The following PXDNL variants were observed in gnomAD, a reference collection of about 807,000 sequenced individuals.
The protein encoded by PXDNL is probable oxidoreductase PXDNL.
PXDNL carries 145 observed loss-of-function variants against 150.8 expected under a neutral mutation model. The ratio of observed to expected loss-of-function variants is 0.96; its 90% CI spans 0.84 to 1.10. The LOEUF (loss-of-function observed/expected upper bound fraction) is 1.10, where lower values mean the gene tolerates loss of function less well. Among genes scored for constraint, PXDNL ranks in the 50% least tolerant of loss-of-function variants. The pLI is 0.00. For missense variants in PXDNL, 2,087 were observed against 1,873.9 expected, an observed-to-expected ratio of 1.11 and a Z score of -2.10; for synonymous variants, 757 against 725.7, an observed-to-expected ratio of 1.04 and a Z score of -0.69.
At chr8:51,480,301 G>T (rs1191530961) in intron 6 of PXDNL, among the ~76,000 whole-genome samples, 1 of 152,190 alleles carries the variant, frequency 6.6e-6, no homozygotes, top group Admixed American at 6.5e-5. Flanking sequence ...TGGTTCTGTA[G>T]ACTGTACAGG....
Position 51,339,853 on chromosome 8 carries a change from G to A in PXDNL, c.4017-100C>T, listed in dbSNP as rs1320354173. ...TCTTTGGTCATTTGGCATGTACAAG[G>A]CATTGTGATTGGTGTTCTTTGTGAT... On this transcript the variant is annotated intron_variant, in intron 20 of 22. Coordinates refer to ENST00000356297, the MANE Select transcript of PXDNL (RefSeq NM_144651.5). 3 of 1,143,162 alleles carry A rather than the reference G, an allele frequency of 2.6e-6. No homozygotes were observed. In the African/African-American group the frequency reaches 4.7e-5, roughly 18 times the overall value. The allele number at this position is 1,143,162 out of a possible 1,614,324, so 70.8% of individuals were successfully genotyped here.
chr8:51,402,219 T>A (rs1299745602), intron 17 of PXDNL, among the ~76,000 whole-genome samples: 1 of 152,194 alleles, frequency 6.6e-6, no homozygotes, highest in Non-Finnish European at 1.5e-5. Context: ...TGGTGAAATA[T>A]GAGCTATTCT....
chr8:51,521,363 A>G (rs1013336352), intron 4 of PXDNL, among the ~76,000 whole-genome samples: 1 of 152,176 alleles, frequency 6.6e-6, no homozygotes, highest in Non-Finnish European at 1.5e-5. Flanking sequence ...CAAAAACAAT[A>G]GCAACAAAAA....
intron 4 of PXDNL, among the ~76,000 whole-genome samples, chr8:51,518,221 G>A (rs949839826): frequency 1.3e-5 from 2 of 152,154 alleles, no homozygotes; most frequent in African/African-American, 4.8e-5. Flanking sequence ...CCCACAGACG[G>A]ATTCCAATGC....
rs1184758865 is a variant in PXDNL, at chr8:51,511,482, C to T, written c.381-11712G>A. Among the ~76,000 whole-genome samples the T allele has an allele frequency of 2.6e-5, 4 of 152,204 alleles. No individual in the cohort carries two copies. In the East Asian group the frequency reaches 7.7e-4, roughly 29 times the overall value. ...CTTTGTGAAACACTGGAATGGACAA[C>T]TTGGTTGGTGCTGAGGTCAGCACGG... On this transcript the variant is annotated intron_variant, in intron 4 of 22. Transcript: ENST00000356297.
chr8:51,419,160 C>G (rs1808881053), intron 14 of PXDNL, among the ~76,000 whole-genome samples: 1 of 152,194 alleles, frequency 6.6e-6, no homozygotes, highest in South Asian at 2.1e-4. Flanking sequence ...AGGTGCCACA[C>G]AGACAATTAG....
In PXDNL at chr8:51,656,861, T is replaced by G. The variant is rs192636188; in HGVS notation, c.165-2101A>C. Among the ~76,000 whole-genome samples the G allele has an allele frequency of 1.6e-3, 238 of 152,340 alleles. 1 individual carries two copies. Among genetic ancestry groups the G allele is most frequent in the Admixed American group, 3.3e-3 (51 of 15,304 alleles). On this transcript the variant is annotated intron_variant, in intron 1 of 22. Transcript: ENST00000356297. ...ACATCTTTTAAGCACCATCTTAATT[T>G]TAGCTTTGCCTCCCACTCCAGATGT...
intron 1 of PXDNL, among the ~76,000 whole-genome samples, chr8:51,738,530 A>G (rs887555964): frequency 2.6e-5 from 4 of 152,044 alleles, no homozygotes; most frequent in Admixed American, 6.6e-5. Flanking sequence ...TTACAATTTT[A>G]TATTGCAACT....
intron 17 of PXDNL, among the ~76,000 whole-genome samples, chr8:51,386,313 G>A (rs1586058972): frequency 2.0e-5 from 3 of 152,082 alleles, no homozygotes; most frequent in East Asian, 2.0e-4. Context: ...GGCTGGTCTC[G>A]AACTCCTGAC....
chr8:51,438,774 C>T (rs1388103314), intron 12 of PXDNL, among the ~76,000 whole-genome samples: 2 of 152,074 alleles, frequency 1.3e-5, no homozygotes, highest in Non-Finnish European at 2.9e-5. Context: ...AAGCCAAATA[C>T]TTATGGCCCA....
intron 12 of PXDNL, among the ~76,000 whole-genome samples, chr8:51,442,359 A>G (rs919759832): frequency 6.6e-6 from 1 of 150,788 alleles, no homozygotes; most frequent in Non-Finnish European, 1.5e-5. Context: ...TCTTTCTTGC[A>G]TATCTTACCT....
At chr8:51,687,144 C>G (rs1446385834) in intron 1 of PXDNL, among the ~76,000 whole-genome samples, 1 of 151,996 alleles carries the variant, frequency 6.6e-6, no homozygotes, top group Non-Finnish European at 1.5e-5. Flanking sequence ...GAAGTAGTAA[C>G]TACAAAACAA....
Position 51,475,005 on chromosome 8 carries a change from C to T in PXDNL, c.661G>A (p.Val221Ile), listed in dbSNP as rs765032216. 1.9e-6 allele frequency: 3 copies of T among 1,607,808 alleles called. No individual in the cohort carries two copies. Among genetic ancestry groups the T allele is most frequent in the Admixed American group, 1.7e-5 (1 of 58,980 alleles). The change falls in exon 7 of 23, where the codon GTT becomes ATT. Residue 221 changes from valine (V) to isoleucine (I), a missense_variant. Val to Ile is a conservative substitution (Grantham distance 29). Transcript: ENST00000356297. ...AATTCCTCTACTGTTACTGAAGCAACTGCACGCCCATGGAGTCTCCTGGGA... is the reference window on the plus strand; with the variant it reads ...AATTCCTCTACTGTTACTGAAGCAATTGCACGCCCATGGAGTCTCCTGGGA... Reference protein sequence around the residue: ...EYPRRLHGRAVASVTVEEFNC... With the variant: ...EYPRRLHGRAIASVTVEEFNC...
At chr8:51,459,634 T>C (rs1403209550) in intron 8 of PXDNL, among the ~76,000 whole-genome samples, 3 of 152,184 alleles carry the variant, frequency 2.0e-5, no homozygotes, top group Non-Finnish European at 4.4e-5. Flanking sequence ...ATAAAACTTG[T>C]TTGCTCATGA....
chr8:51,400,316 T>A (rs1808208876), intron 17 of PXDNL, among the ~76,000 whole-genome samples: 1 of 152,190 alleles, frequency 6.6e-6, no homozygotes, highest in South Asian at 2.1e-4. Context: ...CTGAAACTGG[T>A]CACATGAGTT....
At chr8:51,367,514 C>T (rs1806958053) in intron 19 of PXDNL, among the ~76,000 whole-genome samples, 1 of 152,082 alleles carries the variant, frequency 6.6e-6, no homozygotes, top group Admixed American at 6.6e-5. Flanking sequence ...AATCTGACAA[C>T]ACTTTTTTTC....
chr8:51,527,477 A>G (rs915142122), intron 4 of PXDNL, among the ~76,000 whole-genome samples: 1 of 152,186 alleles, frequency 6.6e-6, no homozygotes, highest in Non-Finnish European at 1.5e-5. Flanking sequence ...GTGGCATTTC[A>G]TGGTTGCCAA....
Position 51,408,408 on chromosome 8 carries a change from A to T in PXDNL, c.3216T>A (p.Gly1072=), listed in dbSNP as rs750561486. 7 of 1,613,872 alleles carry T rather than the reference A, an allele frequency of 4.3e-6. No homozygotes were observed. The highest frequency in any genetic ancestry group is 5.9e-6 in the Non-Finnish European group (7 of 1,179,882). ...ACGGAAGGTGGCCTTCGGAAATTTC[A>T]CCTAAGGTGGCATTCAGTCGGTAAA... ...PILYRLNATL[G]EISEGHLPFH... Residue 1072 remains glycine (G), a synonymous_variant, in exon 17 of 23, where the codon GGT becomes GGA. Coordinates refer to ENST00000356297, the MANE Select transcript of PXDNL (RefSeq NM_144651.5).
At chr8:51,467,407 C>A (rs1193937736) in intron 8 of PXDNL, among the ~76,000 whole-genome samples, 1 of 151,960 alleles carries the variant, frequency 6.6e-6, no homozygotes, top group African/African-American at 2.4e-5. Flanking sequence ...TGTAAGTGGG[C>A]ACTAAATATT....
Sources: allele counts gnomAD v4.1 joint callset (sites outside exome capture counted in the v4.1 genomes callset), GRCh38; gene constraint gnomAD v4.1.1; transcripts MANE v1.5; gene names NCBI Gene and HGNC (gene_info 2026-07-23, HGNC 2026-07-21).